The following SGCZ variants were observed in gnomAD, a reference collection of about 807,000 sequenced individuals.
The protein encoded by SGCZ is sarcoglycan zeta.
SGCZ carries 40 observed loss-of-function variants against 41.3 expected under a neutral mutation model. The ratio of observed to expected loss-of-function variants is 0.97; its 90% confidence interval spans 0.75 to 1.26. SGCZ has a LOEUF of 1.26. Ranked by LOEUF, SGCZ falls within the 50% of genes most tolerant of loss-of-function variation. The pLI is 0.00. For missense variants in SGCZ, 552 were observed against 369.8 expected, an observed-to-expected ratio of 1.49 and a Z score of -4.04; for synonymous variants, 206 against 137.5, an observed-to-expected ratio of 1.50 and a Z score of -3.49.
rs970212471 is a variant in SGCZ, at chr8:14,304,691, C to T, written c.336+19412G>A. Among the ~76,000 whole-genome samples the T allele has an allele frequency of 9.9e-5, 15 of 152,136 alleles. No individual in the cohort carries two copies. The East Asian group carries it at 1.9e-3, about 20-fold the overall frequency. On this transcript the variant is annotated intron_variant, in intron 3 of 7. Coordinates refer to ENST00000382080, the MANE Select transcript of SGCZ (RefSeq NM_139167.4). ...GCCATAGCTATGGTAATGCATTATTCGTGGAATTTATTTCACTTCCTGAAA... is the reference window on the plus strand; with the variant it reads ...GCCATAGCTATGGTAATGCATTATTTGTGGAATTTATTTCACTTCCTGAAA...
At chr8:15,128,019 A>G (rs1003156992) in intron 1 of SGCZ, among the ~76,000 whole-genome samples, 1 of 152,218 alleles carries the variant, frequency 6.6e-6, no homozygotes. Context: ...ATAGAGGTTC[A>G]TGATGTACTA....
chr8:14,637,284 C>T (rs933857853), intron 1 of SGCZ, among the ~76,000 whole-genome samples: 1 of 150,940 alleles, frequency 6.6e-6, no homozygotes, highest in Admixed American at 6.6e-5. Flanking sequence ...CTAAAACTGT[C>T]CTCTCCTTTT....
intron 1 of SGCZ, among the ~76,000 whole-genome samples, chr8:14,846,895 C>T (rs764964922): frequency 5.3e-5 from 8 of 151,792 alleles, no homozygotes; most frequent in Non-Finnish European, 1.0e-4. Flanking sequence ...CTCGGTGAAA[C>T]GACATCTCTA....
chr8:14,593,594 G>C (rs746330046), intron 1 of SGCZ, among the ~76,000 whole-genome samples: 5 of 152,192 alleles, frequency 3.3e-5, no homozygotes, highest in Non-Finnish European at 7.3e-5. Context: ...GGCGACAGTG[G>C]TGAAGGTGTA....
chr8:14,606,187 G>C (rs10096433), intron 1 of SGCZ, among the ~76,000 whole-genome samples: 6 of 151,632 alleles, frequency 4.0e-5, no homozygotes, highest in Non-Finnish European at 8.8e-5. Context: ...CCTCCCTCTT[G>C]TACATATTGC....
At chr8:14,595,312 C>T (rs193210923) in intron 1 of SGCZ, among the ~76,000 whole-genome samples, 1 of 151,634 alleles carries the variant, frequency 6.6e-6, no homozygotes, top group African/African-American at 2.4e-5. Context: ...CAAGATGCAC[C>T]CACATCTGGT....
chr8:14,954,512 C>A (rs1264278867), intron 1 of SGCZ, among the ~76,000 whole-genome samples: 4 of 152,098 alleles, frequency 2.6e-5, no homozygotes, highest in African/African-American at 9.7e-5. Context: ...TGTAATGCAG[C>A]TTCCACGATT....
At chr8:14,294,342 C>T (rs917683822) in intron 3 of SGCZ, among the ~76,000 whole-genome samples, 6 of 151,778 alleles carry the variant, frequency 4.0e-5, no homozygotes, top group African/African-American at 1.5e-4. Context: ...CTAAAAGTCA[C>T]AAACTTTTTT....
At chr8:14,463,423 C>G (rs561168854) in intron 2 of SGCZ, among the ~76,000 whole-genome samples, 225 of 146,098 alleles carry the variant, frequency 1.5e-3, no homozygotes, top group South Asian at 3.4e-3. Context: ...AAAAAAAAAC[C>G]CTGGATATCC....
chr8:14,167,491 C>G (rs1257510241), intron 4 of SGCZ, among the ~76,000 whole-genome samples: 1 of 151,946 alleles, frequency 6.6e-6, no homozygotes, highest in Non-Finnish European at 1.5e-5. Flanking sequence ...AACTAAAGTA[C>G]CAAGACTAAA....
chr8:14,399,949 G>A (rs917786808), intron 2 of SGCZ, among the ~76,000 whole-genome samples: 1 of 151,942 alleles, frequency 6.6e-6, no homozygotes, highest in African/African-American at 2.4e-5. Flanking sequence ...ACTCCAACCT[G>A]GTTACTACTC....
intron 1 of SGCZ, among the ~76,000 whole-genome samples, chr8:14,820,313 A>G (rs936354677): frequency 3.3e-5 from 5 of 152,084 alleles, no homozygotes; most frequent in African/African-American, 1.2e-4. Context: ...AGAGTATATA[A>G]TAGTTGCAAA....
intron 3 of SGCZ, among the ~76,000 whole-genome samples, chr8:14,303,983 C>G (rs1031900025): frequency 6.6e-6 from 1 of 151,964 alleles, no homozygotes; most frequent in Non-Finnish European, 1.5e-5. Flanking sequence ...AACTCCTGAC[C>G]TCAAGTGATA....
At chr8:15,219,989 C>A (rs1007474293) in intron 1 of SGCZ, among the ~76,000 whole-genome samples, 3 of 152,102 alleles carry the variant, frequency 2.0e-5, no homozygotes, top group East Asian at 1.9e-4. Context: ...AAACATAATT[C>A]TTAAAAATGG....
intron 5 of SGCZ, among the ~76,000 whole-genome samples, chr8:14,116,051 G>A (rs1351039834): frequency 1.3e-5 from 2 of 151,836 alleles, no homozygotes; most frequent in African/African-American, 2.4e-5. Flanking sequence ...TAGGACTTCT[G>A]GTACATTGAT....
chr8:14,497,171 G>A (rs1331422246), intron 2 of SGCZ, among the ~76,000 whole-genome samples: 2 of 152,100 alleles, frequency 1.3e-5, no homozygotes, highest in Non-Finnish European at 2.9e-5. Context: ...CCTGAGGCTG[G>A]GTAATTTATT....
chr8:14,354,516 C>A (rs1457817145), intron 2 of SGCZ, among the ~76,000 whole-genome samples: 2 of 151,368 alleles, frequency 1.3e-5, no homozygotes, highest in African/African-American at 2.4e-5. Flanking sequence ...GATGATATTC[C>A]AACACAGTAA....
chr8:14,304,139 T>A (rs1801278965), intron 3 of SGCZ, among the ~76,000 whole-genome samples: 1 of 152,160 alleles, frequency 6.6e-6, no homozygotes, highest in African/African-American at 2.4e-5. Context: ...TCAGCATTCC[T>A]ATTTTCAAAT....
At chr8:14,363,611 T>A (rs1803602991) in intron 2 of SGCZ, among the ~76,000 whole-genome samples, 1 of 152,148 alleles carries the variant, frequency 6.6e-6, no homozygotes, top group African/African-American at 2.4e-5. Context: ...TTGACCCAAC[T>A]TCATTATAAC....
Sources: gnomAD v4.1 joint callset for allele counts (sites outside exome capture counted in the v4.1 genomes callset) on GRCh38, gnomAD v4.1.1 for gene constraint, MANE v1.5 for transcripts, NCBI Gene and HGNC (gene_info 2026-07-23, HGNC 2026-07-21) for gene names.